The following LUZP2 variants were observed in gnomAD, a reference collection of about 807,000 sequenced individuals.
The protein encoded by LUZP2 is leucine zipper protein 2.
A neutral mutation model predicts 51.6 loss-of-function variants in LUZP2; 52 were observed. That is an observed-to-expected ratio of 1.01 (90% CI 0.81 to 1.27). The LOEUF is 1.27. Among genes scored for constraint, LUZP2 ranks in the 50% most tolerant of loss-of-function variants. The pLI, the probability that LUZP2 is intolerant of heterozygous loss-of-function variation, is 0.00. For missense variants in LUZP2, 436 were observed against 395.4 expected (o/e 1.10, Z -0.87); for synonymous variants, 154 against 137.3 (o/e 1.12, Z -0.85).
At chr11:24,509,465 G>T (rs967667152) in intron 1 of LUZP2, among the ~76,000 whole-genome samples, 1 of 148,322 alleles carries the variant, frequency 6.7e-6, no homozygotes, top group Non-Finnish European at 1.5e-5. Context: ...TATTATATAT[G>T]GTATAGTATA....
intron 1 of LUZP2, among the ~76,000 whole-genome samples, chr11:24,686,568 A>G (rs548331560): frequency 6.6e-6 from 1 of 152,280 alleles, no homozygotes; most frequent in African/African-American, 2.4e-5. Context: ...TTCAAAATTC[A>G]TCTGCATTTG....
At chr11:25,004,225 C>T (rs189712533) in intron 9 of LUZP2, among the ~76,000 whole-genome samples, 1 of 152,270 alleles carries the variant, frequency 6.6e-6, no homozygotes, top group East Asian at 1.9e-4. Context: ...CAGTGATTGC[C>T]TCAGCATAGC....
chr11:24,524,407 A>G (rs1404525552), intron 1 of LUZP2, among the ~76,000 whole-genome samples: 1 of 151,736 alleles, frequency 6.6e-6, no homozygotes, highest in Non-Finnish European at 1.5e-5. Context: ...GTTTATAGAT[A>G]AGTGCTCTTC....
rs111414291 is a variant in LUZP2 at position 24,894,834 on chromosome 11, C to T, written c.397-11157C>T. Among the ~76,000 whole-genome samples the T allele has an allele frequency of 1.3e-4, 20 of 152,118 alleles. 1 individual carries two copies. The highest frequency in any genetic ancestry group is 4.6e-4 in the African/African-American group (19 of 41,518). ...TAGGTTAACTGGGGGCAATTGAGAA[C>T]GGGATGCCTATTAGAATAAATAGGG... On this transcript the variant is annotated intron_variant, in intron 5 of 11. Transcript: ENST00000336930.
chr11:24,856,900 T>G (rs773768139), intron 5 of LUZP2, among the ~76,000 whole-genome samples: 22 of 151,946 alleles, frequency 1.4e-4, no homozygotes, highest in Non-Finnish European at 1.9e-4. Context: ...AGTATATACA[T>G]GGACACAGAG....
rs558456671 is a variant in LUZP2 at position 25,048,152 on chromosome 11, T to A, written c.766-1886T>A. The stretch of plus-strand genomic sequence containing the variant: ...ATTAAGTATAAAATTTGTAGCTCAA[T>A]TTTGGGATCTCCTCTCTACTTTTTA... On this transcript the variant is annotated intron_variant, in intron 9 of 11. Transcript: ENST00000336930. Among the ~76,000 whole-genome samples, 8 of 152,272 alleles carry A rather than the reference T, an allele frequency of 5.3e-5. No individual in the cohort carries two copies. The South Asian group carries it at 1.7e-3, about 32-fold the overall frequency.
chr11:25,047,704 T>C (rs558299648), intron 9 of LUZP2, among the ~76,000 whole-genome samples: 12 of 152,312 alleles, frequency 7.9e-5, no homozygotes, highest in African/African-American at 2.4e-4. Flanking sequence ...TAATTGCTTC[T>C]GTATTAGTTT....
At chr11:24,573,945 T>A (rs1035232419) in intron 1 of LUZP2, among the ~76,000 whole-genome samples, 4 of 151,818 alleles carry the variant, frequency 2.6e-5, no homozygotes, top group Non-Finnish European at 5.9e-5. Context: ...TTGTTACATA[T>A]GTATACATGT....
intron 10 of LUZP2, among the ~76,000 whole-genome samples, chr11:25,062,128 G>A (rs953760638): frequency 6.6e-6 from 1 of 151,048 alleles, no homozygotes; most frequent in East Asian, 1.9e-4. Context: ...AGAAAAAGGA[G>A]GGAGACAGGA....
chr11:24,608,340 T>C (rs887981375), intron 1 of LUZP2, among the ~76,000 whole-genome samples: 1 of 152,178 alleles, frequency 6.6e-6, no homozygotes, highest in African/African-American at 2.4e-5. Context: ...ACTATACAAT[T>C]ATATGGCATA....
At chr11:24,946,731 T>C (rs903376059) in intron 7 of LUZP2, among the ~76,000 whole-genome samples, 2 of 151,978 alleles carry the variant, frequency 1.3e-5, no homozygotes, top group Non-Finnish European at 2.9e-5. Flanking sequence ...AATTTTAGAA[T>C]GTGCTGTATT....
chr11:24,642,823 G>GGAT (rs1337106641), intron 1 of LUZP2, among the ~76,000 whole-genome samples: 12 of 152,172 alleles, frequency 7.9e-5, no homozygotes, highest in African/African-American at 2.9e-4. Context: ...ATTACTAAGA[G>GGAT]GATATATCAG....
intron 1 of LUZP2, among the ~76,000 whole-genome samples, chr11:24,691,468 C>A (rs1461094277): frequency 6.9e-6 from 1 of 145,520 alleles, no homozygotes; most frequent in African/African-American, 2.5e-5. Context: ...ATTTTTCCCT[C>A]ATATTCTGTT....
chr11:24,504,376 T>G (rs775164116), intron 1 of LUZP2, among the ~76,000 whole-genome samples: 1 of 152,194 alleles, frequency 6.6e-6, no homozygotes, highest in Admixed American at 6.5e-5. Flanking sequence ...ACAGTTTGTG[T>G]GATGATGTAG....
At chr11:24,899,404 GA>G (rs1853199994) in intron 5 of LUZP2, among the ~76,000 whole-genome samples, 1 of 150,306 alleles carries the variant, frequency 6.7e-6, no homozygotes, top group Non-Finnish European at 1.5e-5. Flanking sequence ...CTAGACTCTA[GA>G]AAAACAAGAA....
At chr11:24,754,506 A>G (rs1859702561) in intron 4 of LUZP2, among the ~76,000 whole-genome samples, 1 of 152,204 alleles carries the variant, frequency 6.6e-6, no homozygotes, top group Admixed American at 6.5e-5. Flanking sequence ...CAACAGGGTT[A>G]CATGAGGTGT....
chr11:24,560,840 A>G (rs1239736366), intron 1 of LUZP2, among the ~76,000 whole-genome samples: 3 of 152,220 alleles, frequency 2.0e-5, no homozygotes, highest in African/African-American at 7.2e-5. Flanking sequence ...AGACCAATTA[A>G]GACATAGTTT....
chr11:24,647,467 C>T (rs1455752683), intron 1 of LUZP2, among the ~76,000 whole-genome samples: 1 of 151,852 alleles, frequency 6.6e-6, no homozygotes, highest in East Asian at 1.9e-4. Flanking sequence ...AAGTGTTTAT[C>T]TAGACAATAA....
intron 1 of LUZP2, among the ~76,000 whole-genome samples, chr11:24,521,860 A>T (rs1449876874): frequency 6.6e-6 from 1 of 152,112 alleles, no homozygotes; most frequent in African/African-American, 2.4e-5. Context: ...ACACATGTTT[A>T]TGGAGGAATG....
Sources: gnomAD v4.1 joint callset for allele counts (sites outside exome capture counted in the v4.1 genomes callset) on GRCh38, gnomAD v4.1.1 for gene constraint, MANE v1.5 for transcripts, NCBI Gene and HGNC (gene_info 2026-07-23, HGNC 2026-07-21) for gene names.